ASNSD1: variants seen among roughly 807,000 people sequenced by gnomAD.
The protein encoded by ASNSD1 is asparagine synthetase domain containing 1, also known as asparagine synthetase domain-containing protein 1.
ASNSD1 carries 36 observed loss-of-function variants against 48.3 expected under a neutral mutation model. The ratio of observed to expected loss-of-function variants is 0.75; its 90% confidence interval spans 0.57 to 0.99. ASNSD1 has a LOEUF of 0.99. Ranked by LOEUF, ASNSD1 falls within the 50% of genes least tolerant of loss-of-function variation. ASNSD1 has a pLI of 0.00. For missense variants in ASNSD1, 714 were observed against 758.2 expected (o/e 0.94, Z 0.69); for synonymous variants, 257 against 262.1 (o/e 0.98, Z 0.19).
chr2:189,666,953 T>C lies in ASNSD1; in HGVS notation c.821T>C (p.Leu274Pro). The C allele has an allele frequency of 6.2e-7, 1 of 1,614,182 alleles. No homozygotes were observed. Among genetic ancestry groups the C allele is most frequent in the Non-Finnish European group, 8.5e-7 (1 of 1,180,034 alleles). The change falls in exon 4 of 6, where the codon CTT becomes CCT. Residue 274 changes from leucine (L) to proline (P), a missense_variant. Physicochemically the swap from Leu to Pro is moderately conservative, Grantham distance 98. Coordinates refer to ENST00000260952, the MANE Select transcript of ASNSD1 (RefSeq NM_019048.4). ...ACAAGAGAGATACTTCAAGTCTTTCTTACTGATGTACACATGAAGGAAGTA... is the reference window on the plus strand; with the variant it reads ...ACAAGAGAGATACTTCAAGTCTTTCCTACTGATGTACACATGAAGGAAGTA... ...PPTREILQVF[L>P]TDVHMKEVIQ...
Position 189,666,539 on chromosome 2 carries a change from A to G in ASNSD1, c.407A>G (p.Asp136Gly), listed in dbSNP as rs200095933. 1.2e-6 allele frequency: 2 copies of G among 1,613,704 alleles called. No homozygotes were observed. The highest frequency in any genetic ancestry group is 2.2e-5 in the East Asian group (1 of 44,886). Reference sequence around the variant, plus strand: ...AGTCATTATTTATGGTTTGGTAGGGATTTTTTTGGTCGCCGTAGCTTGCTT... The same window carrying G: ...AGTCATTATTTATGGTTTGGTAGGGGTTTTTTTGGTCGCCGTAGCTTGCTT... ...ASSHYLWFGR[D>G]FFGRRSLLWH... The change falls in exon 4 of 6, where the codon GAT (aspartate) becomes GGT (glycine). Residue 136 changes from aspartate (D) to glycine (G), a missense_variant. By Grantham distance (94) the Asp-to-Gly change is moderately conservative. Transcript: ENST00000260952.
At chr2:189,664,615 G>A (rs1360113720) in intron 2 of ASNSD1, among the ~76,000 whole-genome samples, 3 of 152,198 alleles carry the variant, frequency 2.0e-5, no homozygotes, top group South Asian at 2.1e-4. Flanking sequence ...AAATTAGCCA[G>A]GCGTGTGCCT....
intron 4 of ASNSD1, 84 bp downstream of exon 4, chr2:189,667,680 A>G (rs1415507459): frequency 1.9e-6 from 3 of 1,539,358 alleles, no homozygotes; most frequent in Non-Finnish European, 1.7e-6. Context: ...TTGTAAGAAT[A>G]TAGCATATTT....
chr2:189,665,353 T>C (rs1351897926), intron 2 of ASNSD1, 23 bp from the exon 3 acceptor site: 1 of 395,586 alleles, frequency 2.5e-6, no homozygotes, highest in African/African-American at 2.1e-5. Flanking sequence ...AAATTTGATA[T>C]TAGCCTAAAT....
In ASNSD1 at chr2:189,663,897, A is replaced by G. The variant is rs977558614; in HGVS notation, c.-222-4A>G. 39 of 387,518 alleles carry G rather than the reference A, an allele frequency of 1.0e-4. No homozygotes were observed. Among genetic ancestry groups the G allele is most frequent in the Non-Finnish European group, 1.5e-4 (33 of 218,230 alleles). The allele number at this position is 387,518 out of a possible 1,614,324, so 24.0% of individuals were successfully genotyped here. A position where few individuals can be genotyped will look rare whatever the true frequency, so the allele number is the denominator to read the frequency against. ...ACTTAAGGAGTTTTTCTTTATTTCA[A>G]TAGATTAAAGAACAAAAAATTGTGG... On this transcript the variant is annotated splice_polypyrimidine_tract_variant and splice_region_variant and intron_variant, in intron 1 of 5. Transcript: ENST00000260952.
At chr2:189,667,733 A>T (rs961239566) in intron 4 of ASNSD1, 31 bp from the exon 5 acceptor site, 1 of 1,577,160 alleles carries the variant, frequency 6.3e-7, no homozygotes, top group South Asian at 1.2e-5. Flanking sequence ...AGTTGATAAC[A>T]TTTTTATACG....
rs1201414919 is a variant in ASNSD1 at position 189,666,855 on chromosome 2, T to C, written c.723T>C (p.Val241=). The C allele has an allele frequency of 1.2e-6, 2 of 1,614,116 alleles. No homozygotes were observed. The highest frequency in any genetic ancestry group is 3.3e-5 in the Admixed American group (2 of 60,020). ...NEAKLYLEKP[V]VPLNMMLPQA... is the part of the protein sequence containing the mutation. ...CCAAACTGTATCTTGAAAAACCTGT[T>C]GTTCCTTTAAATATGATGTTGCCAC... Residue 241 remains valine, a synonymous_variant, in exon 4 of 6, where the codon GTT becomes GTC. Transcript: ENST00000260952.
In ASNSD1 at chr2:189,664,589, G is replaced by A. The variant is rs117731715; in HGVS notation, c.-169+635G>A. Among the ~76,000 whole-genome samples the A allele has an allele frequency of 6.8e-4, 104 of 152,258 alleles. 2 individuals carry two copies. The East Asian group carries it at 0.019, about 28-fold the overall frequency. ...TATTGTCACTTATGGAATATTAGAA[G>A]TTGAGGCACATACAAAAATTAGCCA... On this transcript the variant is annotated intron_variant, in intron 2 of 5. Transcript: ENST00000260952.
At position 189,667,267 on chromosome 2, in the gene ASNSD1, G is replaced by A; in HGVS notation, c.1135G>A (p.Glu379Lys). The stretch of plus-strand genomic sequence containing the variant: ...AGGGAATAAACAGAAAAATAAATGT[G>A]AAATACCTTCAGAAGAATTCTCTAA... ...REGNKQKNKC[E>K]IPSEEFSKDV... The change falls in exon 4 of 6, where the codon GAA becomes AAA. Residue 379 changes from glutamate (E) to lysine (K), a missense_variant. Glu to Lys is a moderately conservative substitution (Grantham distance 56, BLOSUM62 1). Transcript: ENST00000260952. 6.2e-7 allele frequency: 1 copy of A among 1,614,046 alleles called. No homozygotes were observed. Among genetic ancestry groups the A allele is most frequent in the Non-Finnish European group, 8.5e-7 (1 of 1,180,000 alleles).
At chr2:189,667,722 T>C in intron 4 of ASNSD1, 42 bp from the exon 5 acceptor site, 1 of 1,569,570 alleles carries the variant, frequency 6.4e-7, no homozygotes, top group Non-Finnish European at 8.6e-7. Context: ...CTTTACTGTG[T>C]AGTTGATAAC....
rs1217121954 is a variant in ASNSD1 at position 189,670,811 on chromosome 2, A to C, written c.*85A>C. 9.7e-7 allele frequency: 1 copy of C among 1,027,530 alleles called. No individual in the cohort carries two copies. Among genetic ancestry groups the C allele is most frequent in the Non-Finnish European group, 1.3e-6 (1 of 767,234 alleles). The allele number at this position is 1,027,530 out of a possible 1,614,324, so 63.7% of individuals were successfully genotyped here. On this transcript the variant is annotated 3_prime_UTR_variant, in exon 6 of 6. Transcript: ENST00000260952. ...TACTCTGCTGCTTTACTATTGTATAACATAGTAGTTTTAAAGTTCATTTGG... is the reference window on the plus strand; with the variant it reads ...TACTCTGCTGCTTTACTATTGTATACCATAGTAGTTTTAAAGTTCATTTGG...
At chr2:189,668,039 G>A in intron 5 of ASNSD1, 94 bp downstream of exon 5, 1 of 1,202,840 alleles carries the variant, frequency 8.3e-7, no homozygotes. Flanking sequence ...TTTGGAGACT[G>A]TTCACATGAA....
chr2:189,670,182 C>T (rs1327618901), intron 5 of ASNSD1, among the ~76,000 whole-genome samples: 1 of 133,206 alleles, frequency 7.5e-6, no homozygotes, highest in African/African-American at 2.9e-5. Context: ...CGGTAGTGCT[C>T]ACCTAGGCAA....
Position 189,666,945 on chromosome 2 carries a change from A to T in ASNSD1, c.813A>T (p.Gln271His), listed in dbSNP as rs1249857841. ...SNVPPTREILQVFLTDVHMKE... is the reference protein window; with the variant it reads ...SNVPPTREILHVFLTDVHMKE... ...TGCCACCTACAAGAGAGATACTTCA[A>T]GTCTTTCTTACTGATGTACACATGA... The change falls in exon 4 of 6, where the codon CAA (glutamine) becomes CAT (histidine). Residue 271 changes from glutamine to histidine, a missense_variant. Coordinates refer to ENST00000260952, the MANE Select transcript of ASNSD1 (RefSeq NM_019048.4). 2 of 1,614,120 alleles carry T rather than the reference A, an allele frequency of 1.2e-6. No individual in the cohort carries two copies. The highest frequency in any genetic ancestry group is 2.7e-5 in the African/African-American group (2 of 75,044).
At chr2:189,665,928 G>A (rs1371941923) in intron 3 of ASNSD1, 113 bp from the exon 4 acceptor site, 3 of 495,756 alleles carry the variant, frequency 6.1e-6, no homozygotes, top group Non-Finnish European at 1.0e-5. Flanking sequence ...GGCACAGTGT[G>A]TGTGTTTATA....
Position 189,669,937 on chromosome 2 carries a change from T to C in ASNSD1, c.1647-504T>C, listed in dbSNP as rs1267493041. 3.3e-5 allele frequency among the ~76,000 whole-genome samples: 5 copies of C among 152,336 alleles called. No individual in the cohort carries two copies. The East Asian group carries it at 9.6e-4, about 29-fold the overall frequency. ...CAGGTTCAGGACTGTGGAGCCCTTC[T>C]ATATTGGTTCCATATCCCTAAAGTG... is the stretch of plus-strand genomic sequence containing the variant. On this transcript the variant is annotated intron_variant, in intron 5 of 5. Coordinates refer to ENST00000260952, the MANE Select transcript of ASNSD1 (RefSeq NM_019048.4).
chr2:189,667,168 G>A lies in ASNSD1; in HGVS notation c.1036G>A (p.Asp346Asn). Reference sequence around the variant, plus strand: ...CCTTGCTGACCGTCATATTCCTTTAGATGAACCAATTGATCTTCTTAATGT... The same window carrying A: ...CCTTGCTGACCGTCATATTCCTTTAAATGAACCAATTGATCTTCTTAATGT... ...ATLADRHIPLDEPIDLLNVAF... is the reference protein window; with the variant it reads ...ATLADRHIPLNEPIDLLNVAF... The change falls in exon 4 of 6, where the codon GAT (aspartate) becomes AAT (asparagine). Residue 346 changes from aspartate to asparagine, a missense_variant. Physicochemically the swap from Asp to Asn is conservative, Grantham distance 23 (BLOSUM62 1). Coordinates refer to ENST00000260952, the MANE Select transcript of ASNSD1 (RefSeq NM_019048.4). 8 of 1,614,198 alleles carry A rather than the reference G, an allele frequency of 5.0e-6. No homozygotes were observed. The highest frequency in any genetic ancestry group is 6.8e-6 in the Non-Finnish European group (8 of 1,180,026).
At chr2:189,668,043 A>G in intron 5 of ASNSD1, 98 bp downstream of exon 5, 1 of 1,174,986 alleles carries the variant, frequency 8.5e-7, no homozygotes, top group Admixed American at 2.5e-5. Context: ...GAGACTGTTC[A>G]CATGAATAAG....
At position 189,666,902 on chromosome 2, in the gene ASNSD1, G is replaced by A. The variant is rs771517751; in HGVS notation, c.770G>A (p.Cys257Tyr). 1.9e-6 allele frequency: 3 copies of A among 1,614,034 alleles called. No individual in the cohort carries two copies. Among genetic ancestry groups the A allele is most frequent in the Non-Finnish European group, 2.5e-6 (3 of 1,179,992 alleles). The change falls in exon 4 of 6, where the codon TGC becomes TAC. Residue 257 changes from cysteine (C) to tyrosine (Y), a missense_variant. Transcript: ENST00000260952. ...CCACAAGCTGCATTGGAGACTCATTGCAGTAATATTTCCAATGTGCCACCT... is the reference window on the plus strand; with the variant it reads ...CCACAAGCTGCATTGGAGACTCATTACAGTAATATTTCCAATGTGCCACCT... ...MLPQAALETH[C>Y]SNISNVPPTR...
Sources: allele counts gnomAD v4.1 joint callset (sites outside exome capture counted in the v4.1 genomes callset), GRCh38; gene constraint gnomAD v4.1.1; transcripts MANE v1.5; gene names NCBI Gene and HGNC (gene_info 2026-07-23, HGNC 2026-07-21).